Variants in SOX5 observed in about 807,000 individuals in gnomAD.
The protein encoded by SOX5 is transcription factor SOX-5.
A neutral mutation model predicts 92.0 loss-of-function variants in SOX5; 9 were observed. The ratio of observed to expected loss-of-function variants is 0.10; its 90% CI spans 0.06 to 0.17. The LOEUF (loss-of-function observed/expected upper bound fraction) is 0.17. Ranked by LOEUF, SOX5 falls within the 10% of genes least tolerant of loss-of-function variation. SOX5 has a pLI of 1.00. For synonymous variants in SOX5, 344 were observed against 336.3 expected (o/e 1.02, Z -0.25); for missense variants, 642 against 944.5 (o/e 0.68, Z 4.20).
Position 23,970,841 on chromosome 12 carries a change from A to ATATATATATATATATATATAATT in SOX5, c.-1-74818_-1-74817insAATTATATATATATATATATATA. Among the ~76,000 whole-genome samples the ATATATATATATATATATATAATT allele has an allele frequency of 5.5e-4, 12 of 21,874 alleles. 1 individual carries two copies. Among genetic ancestry groups the ATATATATATATATATATATAATT allele is most frequent in the African/African-American group, 1.5e-3 (12 of 8,020 alleles). The allele number at this position is 21,874 out of a possible 152,430, so 14.4% of individuals were successfully genotyped here. On this transcript the variant is annotated intron_variant, in intron 4 of 4. Coordinates refer to the SOX5 transcript ENST00000446891. ...ACATGGGACTTTATATATATATATAATTTTTTTTTTTTTTTAAGAAATGGG... is the reference window on the plus strand; with the variant it reads ...ACATGGGACTTTATATATATATATAATATATATATATATATATATAATTTTTTTTTTTTTTTTTAAGAAATGGG...
At chr12:24,068,659 T>G (rs1187704603) in intron 4 of SOX5, among the ~76,000 whole-genome samples, 1 of 141,420 alleles carries the variant, frequency 7.1e-6, no homozygotes, top group African/African-American at 2.6e-5. Context: ...GTATCTTTAT[T>G]TTTAGAAAGG....
intron 6 of SOX5, among the ~76,000 whole-genome samples, chr12:23,690,109 C>T (rs954159534): frequency 1.3e-5 from 2 of 152,188 alleles, no homozygotes; most frequent in Non-Finnish European, 2.9e-5. Context: ...ACATTCAGTT[C>T]AGGCCTCACT....
In SOX5 at chr12:24,335,972, C is replaced by CATATAT. The variant is rs57461232; in HGVS notation, c.-174+32585_-174+32590dup. 1.1e-3 allele frequency among the ~76,000 whole-genome samples: 63 copies of CATATAT among 58,612 alleles called. 6 individuals carry two copies. The highest frequency in any genetic ancestry group is 3.2e-3 in the African/African-American group (49 of 15,384). 38.5% of individuals were successfully genotyped at this position (58,612 alleles called of 152,430 possible). A position where few individuals can be genotyped will look rare whatever the true frequency, so the allele number is the denominator to read the frequency against. On this transcript the variant is annotated intron_variant, in intron 2 of 4. Transcript: ENST00000446891. ...CCTGGGTCCAGGCTAGAAATGCTAT[C>CATATAT]ATATATATATATATATCCATAATAT... is the stretch of plus-strand genomic sequence containing the variant.
intron 3 of SOX5, among the ~76,000 whole-genome samples, chr12:23,799,792 C>G (rs2095630021): frequency 6.6e-6 from 1 of 151,874 alleles, no homozygotes; most frequent in Non-Finnish European, 1.5e-5. Flanking sequence ...CAAGATTAAG[C>G]ATACCATATT....
chr12:24,074,664 CAATTT>C (rs949978242), intron 4 of SOX5, among the ~76,000 whole-genome samples: 4 of 116,590 alleles, frequency 3.4e-5, no homozygotes, highest in African/African-American at 1.2e-4. Flanking sequence ...GCTCAATATT[CAATTT>C]AAGTCTTAAT....
intron 4 of SOX5, among the ~76,000 whole-genome samples, chr12:24,032,697 C>A (rs939135606): frequency 3.3e-4 from 50 of 151,602 alleles, no homozygotes; most frequent in African/African-American, 1.1e-3. Context: ...CTACTAAACT[C>A]GGTGGGAAAT....
intron 1 of SOX5, among the ~76,000 whole-genome samples, chr12:24,548,386 T>A (rs957088033): frequency 5.9e-5 from 9 of 152,072 alleles, no homozygotes; most frequent in African/African-American, 1.9e-4. Context: ...TGTGAAAGAG[T>A]AAAATGTAAT....
rs777013504 is a variant in SOX5 at position 23,779,814 on chromosome 12, T to TATATATATAC, written c.482-24091_482-24090insGTATATATAT. Among the ~76,000 whole-genome samples, 650 of 110,702 alleles carry TATATATATAC rather than the reference T, an allele frequency of 5.9e-3. 3 individuals carry two copies. Among genetic ancestry groups the TATATATATAC allele is most frequent in the Middle Eastern group, 0.02 (4 of 204 alleles). The allele number at this position is 110,702 out of a possible 152,430, so 72.6% of individuals were successfully genotyped here. ...ATATATATATATATATATATATATATACACACACACACACACACACACACA... is the reference window on the plus strand; with the variant it reads ...ATATATATATATATATATATATATATATATATATACACACACACACACACACACACACACA... On this transcript the variant is annotated intron_variant, in intron 3 of 14. Transcript: ENST00000451604.
intron 4 of SOX5, among the ~76,000 whole-genome samples, chr12:24,198,249 AG>A (rs1957189792): frequency 7.0e-6 from 1 of 142,118 alleles, no homozygotes; most frequent in Non-Finnish European, 1.5e-5. Context: ...AAGAAAGGAG[AG>A]GGAGGGGTTG....
intron 3 of SOX5, among the ~76,000 whole-genome samples, chr12:24,217,309 G>A (rs772361786): frequency 2.0e-5 from 3 of 152,152 alleles, no homozygotes; most frequent in Non-Finnish European, 2.9e-5. Context: ...TGAATCTGTA[G>A]GATCTGATGT....
At chr12:23,751,258 C>A (rs138050007) in intron 4 of SOX5, among the ~76,000 whole-genome samples, 16 of 151,910 alleles carry the variant, frequency 1.1e-4, no homozygotes, top group Admixed American at 3.3e-4. Context: ...TAAAAATGTG[C>A]AGATATGCAT....
chr12:24,391,716 G>C (rs1293236716), intron 1 of SOX5, among the ~76,000 whole-genome samples: 1 of 152,094 alleles, frequency 6.6e-6, no homozygotes, highest in Non-Finnish European at 1.5e-5. Context: ...TTAGATCTTT[G>C]AGAACCCATA....
In SOX5 at chr12:24,056,450, A is replaced by C. The variant is rs181647947; in HGVS notation, c.-2+156893T>G. Among the ~76,000 whole-genome samples the C allele has an allele frequency of 2.4e-4, 37 of 152,348 alleles. No homozygotes were observed. The East Asian group carries it at 6.9e-3, about 29-fold the overall frequency. ...TAGTTTTCAAACATATTAATGCTTA[A>C]AATTACAAAATTAATATTGGATTTT... On this transcript the variant is annotated intron_variant, in intron 4 of 4. Coordinates refer to the SOX5 transcript ENST00000446891.
At chr12:23,560,454 GT>G (rs1173178672) in intron 11 of SOX5, among the ~76,000 whole-genome samples, 1 of 152,142 alleles carries the variant, frequency 6.6e-6, no homozygotes, top group Non-Finnish European at 1.5e-5. Context: ...TAGATATGTG[GT>G]TTATATGAGA....
intron 4 of SOX5, among the ~76,000 whole-genome samples, chr12:24,129,905 T>A (rs530464733): frequency 2.0e-5 from 3 of 152,316 alleles, no homozygotes; most frequent in East Asian, 3.9e-4. Context: ...TTAGAGGAGA[T>A]TTCAACACAT....
At chr12:24,155,021 T>C (rs1319989618) in intron 4 of SOX5, among the ~76,000 whole-genome samples, 1 of 152,152 alleles carries the variant, frequency 6.6e-6, no homozygotes, top group Non-Finnish European at 1.5e-5. Flanking sequence ...CTTGGTCCTC[T>C]AGTATTGGCT....
chr12:23,871,907 T>C (rs1002702660), intron 2 of SOX5, among the ~76,000 whole-genome samples: 1 of 152,096 alleles, frequency 6.6e-6, no homozygotes, highest in African/African-American at 2.4e-5. Flanking sequence ...AACTATCTTT[T>C]CTTTCCTGTG....
At chr12:24,101,786 C>T (rs920984096) in intron 4 of SOX5, among the ~76,000 whole-genome samples, 7 of 152,098 alleles carry the variant, frequency 4.6e-5, no homozygotes. Flanking sequence ...AAGATTTGCT[C>T]AGGGAATGCA....
At chr12:23,548,706 ATAACT>A (rs1278011777) in intron 11 of SOX5, among the ~76,000 whole-genome samples, 3 of 152,034 alleles carry the variant, frequency 2.0e-5, no homozygotes, top group African/African-American at 7.2e-5. Context: ...TGAGGAGACA[ATAACT>A]TAAGTAAAAA....
Sources: gnomAD v4.1 joint callset for allele counts (sites outside exome capture counted in the v4.1 genomes callset) on GRCh38, gnomAD v4.1.1 for gene constraint, MANE v1.5 for transcripts, NCBI Gene and HGNC (gene_info 2026-07-23, HGNC 2026-07-21) for gene names.